The following TOM1L2 variants were observed in gnomAD, a reference collection of about 807,000 sequenced individuals.
TOM1L2 encodes the protein target of myb1 like 2 membrane trafficking protein, also known as TOM1-like protein 2.
In TOM1L2, 31 loss-of-function variants were observed where a neutral mutation model predicts 67.9. That is an observed-to-expected ratio of 0.46 (90% CI 0.34 to 0.62). TOM1L2 has a LOEUF of 0.62. Among genes scored for constraint, TOM1L2 ranks in the 20% least tolerant of loss-of-function variants. The pLI is 0.01. For missense variants in TOM1L2, 606 were observed against 663.5 expected, an observed-to-expected ratio of 0.91 and a Z score of 0.95; for synonymous variants, 256 against 254.0, an observed-to-expected ratio of 1.01 and a Z score of -0.07.
rs777699955 is a variant in TOM1L2 at position 17,869,250 on chromosome 17, C to T, written c.911+90G>A. On this transcript the variant is annotated intron_variant, in intron 8 of 14. Transcript: ENST00000379504. ...CCAACTCTAATCTCTCTCCCTCTCC[C>T]TCTCTTTCCTTTGTTTATGAAAGAA... 2.8e-5 allele frequency: 44 copies of T among 1,581,424 alleles called. No homozygotes were observed. The Admixed American group carries it at 7.6e-4, about 27-fold the overall frequency.
chr17:17,929,588 ACCATTGTACT>A (rs1327602255), intron 1 of TOM1L2, among the ~76,000 whole-genome samples: 1 of 152,136 alleles, frequency 6.6e-6, no homozygotes, highest in Non-Finnish European at 1.5e-5. Context: ...CCGAGATCGC[ACCATTGTACT>A]CCAGCCTGGG....
intron 2 of TOM1L2, among the ~76,000 whole-genome samples, chr17:17,904,009 A>AT (rs2038977119): frequency 6.6e-6 from 1 of 151,928 alleles, no homozygotes; most frequent in Admixed American, 6.6e-5. Context: ...TATTATTATT[A>AT]TTTTTAAGAT....
At chr17:17,931,517 G>A (rs191614210) in intron 1 of TOM1L2, among the ~76,000 whole-genome samples, 7 of 152,330 alleles carry the variant, frequency 4.6e-5, no homozygotes, top group African/African-American at 9.6e-5. Flanking sequence ...GAGAACTGGG[G>A]GAGCAATAGC....
Position 17,898,682 on chromosome 17 carries a change from A to G in TOM1L2, c.138-8T>C. On this transcript the variant is annotated splice_polypyrimidine_tract_variant and splice_region_variant and intron_variant, in intron 2 of 14. Transcript: ENST00000379504. ...CGAATGGCATCCTTTGGCCTGGAAA[A>G]AAGAACAGACATATAAAGATACTTA... The G allele has an allele frequency of 6.2e-7, 1 of 1,614,224 alleles. No individual in the cohort carries two copies. Among genetic ancestry groups the G allele is most frequent in the Non-Finnish European group, 8.5e-7 (1 of 1,180,032 alleles).
chr17:17,908,232 G>A (rs2039184861), intron 1 of TOM1L2, among the ~76,000 whole-genome samples: 1 of 152,192 alleles, frequency 6.6e-6, no homozygotes, highest in South Asian at 2.1e-4. Context: ...AAATGGTGCT[G>A]TGAAAATTGG....
At chr17:17,954,214 G>A (rs1357949804) in intron 1 of TOM1L2, among the ~76,000 whole-genome samples, 1 of 152,156 alleles carries the variant, frequency 6.6e-6, no homozygotes, top group Non-Finnish European at 1.5e-5. Flanking sequence ...AGGAGGGAGT[G>A]GGAACGGCAA....
intron 1 of TOM1L2, among the ~76,000 whole-genome samples, chr17:17,956,380 T>C (rs2041447592): frequency 6.6e-6 from 1 of 152,196 alleles, no homozygotes; most frequent in Non-Finnish European, 1.5e-5. Context: ...ATCCCTTAGC[T>C]AGACATAAAG....
chr17:17,862,700 T>C, intron 11 of TOM1L2, 31 bp downstream of exon 11: 11 of 1,571,158 alleles, frequency 7.0e-6, no homozygotes, highest in Non-Finnish European at 9.6e-6. Context: ...CCCAATATCT[T>C]TAGAGAGCCA....
chr17:17,867,516 G>A (rs558272408), intron 8 of TOM1L2, among the ~76,000 whole-genome samples: 1 of 152,348 alleles, frequency 6.6e-6, no homozygotes, highest in Non-Finnish European at 1.5e-5. Context: ...TGCAGGGGGA[G>A]TTGGCTTTGA....
intron 1 of TOM1L2, among the ~76,000 whole-genome samples, chr17:17,929,945 A>T (rs949585084): frequency 2.1e-4 from 32 of 152,202 alleles, no homozygotes; most frequent in Admixed American, 9.8e-4. Context: ...TACTACAGAG[A>T]GTGAGTGACA....
intron 1 of TOM1L2, among the ~76,000 whole-genome samples, chr17:17,920,703 C>T (rs564362612): frequency 5.7e-4 from 87 of 152,094 alleles, no homozygotes; most frequent in African/African-American, 2.0e-3. Context: ...GGTGCGATCT[C>T]GGCTCACTGA....
chr17:17,912,478 C>T (rs1245774571), intron 1 of TOM1L2, among the ~76,000 whole-genome samples: 6 of 150,116 alleles, frequency 4.0e-5, no homozygotes, highest in Non-Finnish European at 8.9e-5. Context: ...ACGGGGTGGC[C>T]GGGCAGAGAC....
chr17:17,888,240 G>A (rs985205876), intron 4 of TOM1L2, among the ~76,000 whole-genome samples: 2 of 152,148 alleles, frequency 1.3e-5, no homozygotes, highest in Admixed American at 6.5e-5. Flanking sequence ...ACAAGATTAG[G>A]GGCTTGGAAG....
intron 1 of TOM1L2, among the ~76,000 whole-genome samples, chr17:17,912,739 C>T (rs1163071834): frequency 3.3e-4 from 49 of 146,898 alleles, no homozygotes; most frequent in Non-Finnish European, 6.7e-4. Flanking sequence ...ACATCCCAGA[C>T]GATGGGCGGC....
chr17:17,890,219 G>C (rs1252159155), intron 4 of TOM1L2, among the ~76,000 whole-genome samples: 1 of 152,202 alleles, frequency 6.6e-6, no homozygotes. Flanking sequence ...ATTGAAAACA[G>C]GGTGTGTGGG....
At chr17:17,857,317 T>C (rs1227871511) in intron 12 of TOM1L2, among the ~76,000 whole-genome samples, 1 of 152,188 alleles carries the variant, frequency 6.6e-6, no homozygotes, top group Non-Finnish European at 1.5e-5. Context: ...AACTATATTA[T>C]AAAAATCTGT....
At chr17:17,899,235 G>A (rs2038727383) in intron 2 of TOM1L2, among the ~76,000 whole-genome samples, 1 of 152,222 alleles carries the variant, frequency 6.6e-6, no homozygotes, top group Non-Finnish European at 1.5e-5. Flanking sequence ...GAAACCATAT[G>A]AGAGACACAG....
chr17:17,882,921 G>T (rs2037806108), intron 5 of TOM1L2, 58 bp from the exon 6 acceptor site: 1 of 1,595,708 alleles, frequency 6.3e-7, no homozygotes, highest in African/African-American at 1.3e-5. Context: ...AGCTGGACCT[G>T]GTACCTACCC....
intron 1 of TOM1L2, among the ~76,000 whole-genome samples, chr17:17,954,913 C>G (rs1048743248): frequency 3.3e-5 from 5 of 152,188 alleles, no homozygotes; most frequent in Admixed American, 3.3e-4. Context: ...GTCCCAGAAC[C>G]TCCATGGCAG....
Sources: gnomAD v4.1 joint callset for allele counts (sites outside exome capture counted in the v4.1 genomes callset) on GRCh38, gnomAD v4.1.1 for gene constraint, MANE v1.5 for transcripts, NCBI Gene and HGNC (gene_info 2026-07-23, HGNC 2026-07-21) for gene names.